The following ADIPOR2 variants were observed in gnomAD, a reference collection of about 807,000 sequenced individuals.
The protein encoded by ADIPOR2 is adiponectin receptor 2, also known as adiponectin receptor protein 2.
A neutral mutation model predicts 40.9 loss-of-function variants in ADIPOR2; 18 were observed. That is an observed-to-expected ratio of 0.44 (90% confidence interval 0.30 to 0.65). ADIPOR2 has a LOEUF of 0.65. Ranked by LOEUF, ADIPOR2 falls within the 30% of genes least tolerant of loss-of-function variation. The pLI is 0.09. For missense variants in ADIPOR2, 283 were observed against 479.2 expected (o/e 0.59, Z 3.82); for synonymous variants, 165 against 166.4 (o/e 0.99, Z 0.06).
intron 6 of ADIPOR2, 93 bp downstream of exon 6, chr12:1,781,169 G>T: frequency 7.5e-7 from 1 of 1,337,602 alleles, no homozygotes; most frequent in Non-Finnish European, 1.0e-6. Flanking sequence ...CAAACATTAT[G>T]CTGTGTATTT....
intron 5 of ADIPOR2, 117 bp from the exon 6 acceptor site, chr12:1,780,772 C>G: frequency 7.4e-7 from 1 of 1,352,220 alleles, no homozygotes; most frequent in Non-Finnish European, 9.9e-7. Flanking sequence ...TAAAGAGCAA[C>G]CCAGTTTGGC....
chr12:1,747,111 G>T (rs948467297), intron 1 of ADIPOR2, among the ~76,000 whole-genome samples: 1 of 139,674 alleles, frequency 7.2e-6, no homozygotes, highest in African/African-American at 2.7e-5. Context: ...CTTTAACACC[G>T]CTGTAAACCA....
chr12:1,733,906 G>A (rs1344120302), intron 1 of ADIPOR2, among the ~76,000 whole-genome samples: 1 of 152,016 alleles, frequency 6.6e-6, no homozygotes, highest in East Asian at 1.9e-4. Context: ...ATGATTTCCA[G>A]CTTCATCCAT....
At chr12:1,758,593 A>T (rs932690285) in intron 2 of ADIPOR2, among the ~76,000 whole-genome samples, 5 of 152,228 alleles carry the variant, frequency 3.3e-5, no homozygotes, top group African/African-American at 1.2e-4. Context: ...GTTAATGTAT[A>T]CTACACATGG....
chr12:1,750,546 C>CG (rs1171108116), intron 1 of ADIPOR2, among the ~76,000 whole-genome samples: 1 of 152,062 alleles, frequency 6.6e-6, no homozygotes, highest in African/African-American at 2.4e-5. Context: ...CCAGCCTGGG[C>CG]AACAGAGTGA....
At chr12:1,731,912 C>G (rs956263684) in intron 1 of ADIPOR2, among the ~76,000 whole-genome samples, 1 of 151,862 alleles carries the variant, frequency 6.6e-6, no homozygotes, top group Admixed American at 6.6e-5. Context: ...TGCAGTGAGC[C>G]GAGATCGTGC....
chr12:1,773,516 CTTTTTTT>C (rs34995304), intron 3 of ADIPOR2, among the ~76,000 whole-genome samples: 1 of 123,720 alleles, frequency 8.1e-6, no homozygotes, highest in African/African-American at 3.0e-5. Context: ...TTATGGGATT[CTTTTTTT>C]TTTTTTTTTT....
chr12:1,737,968 G>A (rs1407256799), intron 1 of ADIPOR2, among the ~76,000 whole-genome samples: 1 of 151,938 alleles, frequency 6.6e-6, no homozygotes, highest in African/African-American at 2.4e-5. Context: ...TTGATAATTG[G>A]TTCTTTTCTC....
At chr12:1,766,256 C>T (rs192409541) in intron 2 of ADIPOR2, among the ~76,000 whole-genome samples, 68 of 152,244 alleles carry the variant, frequency 4.5e-4, no homozygotes, top group Admixed American at 3.5e-3. Flanking sequence ...AGATGTAATA[C>T]GATGCCTGTA....
intron 4 of ADIPOR2, among the ~76,000 whole-genome samples, chr12:1,779,436 T>C (rs1297320604): frequency 6.6e-6 from 1 of 152,232 alleles, no homozygotes; most frequent in Admixed American, 6.5e-5. Flanking sequence ...ACATGTCGTT[T>C]GATTCTACAT....
chr12:1,705,467 C>T (rs529171570), intron 1 of ADIPOR2, among the ~76,000 whole-genome samples: 2 of 152,208 alleles, frequency 1.3e-5, no homozygotes, highest in South Asian at 2.1e-4. Flanking sequence ...ACCTGACTTC[C>T]AGTGACAAGT....
chr12:1,773,721 T>G (rs532078074), intron 3 of ADIPOR2, among the ~76,000 whole-genome samples: 14 of 152,178 alleles, frequency 9.2e-5, no homozygotes, highest in Non-Finnish European at 2.1e-4. Context: ...TCTGGAGAAC[T>G]CTTTATTATT....
At chr12:1,713,915 C>T (rs1420657399) in intron 1 of ADIPOR2, among the ~76,000 whole-genome samples, 3 of 152,026 alleles carry the variant, frequency 2.0e-5, no homozygotes, top group Admixed American at 2.0e-4. Flanking sequence ...TACCGGTGTC[C>T]AGGAGGAAGT....
At chr12:1,765,732 TC>T (rs61657737) in intron 2 of ADIPOR2, among the ~76,000 whole-genome samples, 13 of 152,138 alleles carry the variant, frequency 8.5e-5, no homozygotes, top group Non-Finnish European at 1.9e-4. Flanking sequence ...TTCTTTTTTT[TC>T]CCCCTTTTTT....
At chr12:1,737,439 C>T (rs1486916501) in intron 1 of ADIPOR2, among the ~76,000 whole-genome samples, 2 of 152,006 alleles carry the variant, frequency 1.3e-5, no homozygotes, top group African/African-American at 4.8e-5. Flanking sequence ...AGTCATTTCC[C>T]TCTAGAATTG....
intron 1 of ADIPOR2, among the ~76,000 whole-genome samples, chr12:1,712,262 G>C (rs1026604072): frequency 1.1e-4 from 16 of 152,082 alleles, no homozygotes; most frequent in Non-Finnish European, 2.1e-4. Context: ...AAAAGTGGCA[G>C]GGTTGAGAGC....
chr12:1,691,458 G>C (rs957888574), intron 1 of ADIPOR2, among the ~76,000 whole-genome samples: 3 of 152,196 alleles, frequency 2.0e-5, no homozygotes, highest in Admixed American at 6.5e-5. Context: ...GGCGCCCGCT[G>C]TTCCCCTCGC....
At chr12:1,718,232 A>G (rs1418027474) in intron 1 of ADIPOR2, among the ~76,000 whole-genome samples, 2 of 152,062 alleles carry the variant, frequency 1.3e-5, no homozygotes, top group Admixed American at 6.6e-5. Flanking sequence ...TTGGACTGTG[A>G]TGGTATAAAG....
At chr12:1,722,744 G>A (rs1236498398) in intron 1 of ADIPOR2, among the ~76,000 whole-genome samples, 1 of 152,194 alleles carries the variant, frequency 6.6e-6, no homozygotes, top group Non-Finnish European at 1.5e-5. Context: ...TAAAGTTTAA[G>A]ATATTTTATG....
Sources: gnomAD v4.1 joint callset for allele counts (sites outside exome capture counted in the v4.1 genomes callset) on GRCh38, gnomAD v4.1.1 for gene constraint, MANE v1.5 for transcripts, NCBI Gene and HGNC (gene_info 2026-07-23, HGNC 2026-07-21) for gene names.